Variants in LUC7L3 observed in about 807,000 individuals in gnomAD.
LUC7L3 encodes the protein LUC7 like 3 pre-mRNA splicing factor, also known as luc7-like protein 3.
A neutral mutation model predicts 66.8 loss-of-function variants in LUC7L3; 6 were observed. The observed-to-expected ratio is 0.09, with a 90% CI of 0.05 to 0.18. The LOEUF (loss-of-function observed/expected upper bound fraction) is 0.18. Among genes scored for constraint, LUC7L3 ranks in the 10% least tolerant of loss-of-function variants. LUC7L3 has a pLI of 1.00. For synonymous variants in LUC7L3, 160 were observed against 174.7 expected (o/e 0.92, Z 0.66); for missense variants, 341 against 531.1 (o/e 0.64, Z 3.52).
chr17:50,730,537 A>AAAAAAAAAAAAAAAAAAAC (rs1969530220), intron 1 of LUC7L3, among the ~76,000 whole-genome samples: 1 of 133,774 alleles, frequency 7.5e-6, no homozygotes, highest in African/African-American at 2.7e-5. Flanking sequence ...AAAAAAAAAA[A>AAAAAAAAAAAAAAAAAAAC]AGACCTAAAA....
In LUC7L3 at chr17:50,752,316, T is replaced by C. The variant is rs1205636971; in HGVS notation, c.*1655T>C. ...GCATAGAAAAAGTATAAAGCTCAGT[T>C]AGTTTTTTTATTATTATTATTATTA... On this transcript the variant is annotated 3_prime_UTR_variant, in exon 10 of 10. Coordinates refer to ENST00000505658, the MANE Select transcript of LUC7L3 (RefSeq NM_016424.5). 1.1e-6 allele frequency: 1 copy of C among 878,450 alleles called. No individual in the cohort carries two copies. Among genetic ancestry groups the C allele is most frequent in the Non-Finnish European group, 1.5e-6 (1 of 652,150 alleles). 54.4% of individuals were successfully genotyped at this position (878,450 alleles called of 1,614,324 possible).
rs1331709664 is a variant in LUC7L3 at position 50,755,344 on chromosome 17, C to T, written c.*4683C>T. 1 of 152,116 alleles carries T rather than the reference C, an allele frequency of 6.6e-6. No homozygotes were observed. Among genetic ancestry groups the T allele is most frequent in the Non-Finnish European group, 1.5e-5 (1 of 68,026 alleles). 9.4% of individuals were successfully genotyped at this position (152,116 alleles called of 1,614,324 possible). On this transcript the variant is annotated 3_prime_UTR_variant, in exon 10 of 10. Transcript: ENST00000505658. ...GAAATATAAACATATATGTATAGAT[C>T]TTTCAAAATATATGACGGTATACCC...
chr17:50,733,488 G>T (rs987509057), intron 1 of LUC7L3, among the ~76,000 whole-genome samples: 2 of 144,198 alleles, frequency 1.4e-5, no homozygotes, highest in African/African-American at 5.2e-5. Context: ...TGCAAGCTCC[G>T]CCTCCTGTGT....
At chr17:50,728,699 G>C (rs1398624269) in intron 1 of LUC7L3, among the ~76,000 whole-genome samples, 1 of 152,154 alleles carries the variant, frequency 6.6e-6, no homozygotes, top group African/African-American at 2.4e-5. Context: ...AACTACAGGC[G>C]TGTGCCTCCA....
chr17:50,735,944 C>G (rs1969958042), intron 1 of LUC7L3, among the ~76,000 whole-genome samples: 1 of 152,202 alleles, frequency 6.6e-6, no homozygotes, highest in South Asian at 2.1e-4. Flanking sequence ...ACCAGCCTGA[C>G]CAACATGGTG....
intron 4 of LUC7L3, 51 bp downstream of exon 4, chr17:50,741,297 TCA>T (rs1208658385): frequency 6.5e-7 from 1 of 1,549,188 alleles, no homozygotes; most frequent in South Asian, 1.2e-5. Context: ...TTCTGGAGAT[TCA>T]GAGACCTCCC....
intron 2 of LUC7L3, among the ~76,000 whole-genome samples, chr17:50,739,501 A>G (rs1210906434): frequency 6.6e-6 from 1 of 152,120 alleles, no homozygotes; most frequent in East Asian, 1.9e-4. Flanking sequence ...AAAATACAAA[A>G]AAATTACGCA....
rs1971040561 is a variant in LUC7L3 at position 50,752,967 on chromosome 17, CTTT to C, written c.*2307_*2309del. On this transcript the variant is annotated 3_prime_UTR_variant, in exon 10 of 10. Transcript: ENST00000505658. Reference sequence around the variant, plus strand: ...AATTCCAAGTATCCTGACAAGCACTCTTTAGCTGGCTAGCTATGGGATGATGTA... The same window carrying C: ...AATTCCAAGTATCCTGACAAGCACTCAGCTGGCTAGCTATGGGATGATGTA... The C allele has an allele frequency of 6.6e-6, 1 of 152,078 alleles. No individual in the cohort carries two copies. Among genetic ancestry groups the C allele is most frequent in the African/African-American group, 2.4e-5 (1 of 41,378 alleles). The allele number at this position is 152,078 out of a possible 1,614,324, so 9.4% of individuals were successfully genotyped here. A position where few individuals can be genotyped will look rare whatever the true frequency, so the allele number is the denominator to read the frequency against.
chr17:50,724,713 A>G (rs958699818), intron 1 of LUC7L3, among the ~76,000 whole-genome samples: 2 of 145,356 alleles, frequency 1.4e-5, no homozygotes, highest in Non-Finnish European at 3.0e-5. Context: ...TGTAAATTTG[A>G]CTTTTTTGCT....
chr17:50,720,115 C>T (rs1968643144), intron 1 of LUC7L3, among the ~76,000 whole-genome samples: 1 of 152,224 alleles, frequency 6.6e-6, no homozygotes. Context: ...ATAGCAGCGT[C>T]TTATTAAATC....
intron 6 of LUC7L3, among the ~76,000 whole-genome samples, chr17:50,744,143 C>A (rs72839275): frequency 0.02 from 3,016 of 152,308 alleles, 45 homozygotes; most frequent in Non-Finnish European, 0.034. Context: ...TACATACTTA[C>A]ATCTTTGTTA....
intron 1 of LUC7L3, among the ~76,000 whole-genome samples, chr17:50,726,378 G>T (rs947733047): frequency 3.9e-5 from 6 of 152,038 alleles, no homozygotes; most frequent in African/African-American, 1.2e-4. Flanking sequence ...TGTCATGTTG[G>T]CCAGGCTGGG....
At chr17:50,719,968 G>C in intron 1 of LUC7L3, 137 bp downstream of exon 1, 1 of 724,754 alleles carries the variant, frequency 1.4e-6, no homozygotes, top group East Asian at 3.0e-5. Flanking sequence ...TGCCCATGGA[G>C]CCAGGAGGGA....
At position 50,750,940 on chromosome 17, in the gene LUC7L3, T is replaced by C. The variant is rs1252846781; in HGVS notation, c.*279T>C. 2.6e-6 allele frequency: 4 copies of C among 1,519,918 alleles called. No individual in the cohort carries two copies. The highest frequency in any genetic ancestry group is 1.4e-5 in the African/African-American group (1 of 72,460). 94.2% of individuals were successfully genotyped at this position (1,519,918 alleles called of 1,614,324 possible). ...GAAATTATCGCCCACATTTGTAATA[T>C]AGTCGCCATTGAAAAGTTAATTATC... On this transcript the variant is annotated 3_prime_UTR_variant, in exon 10 of 10. Transcript: ENST00000505658.
At position 50,753,417 on chromosome 17, in the gene LUC7L3, A is replaced by T. The variant is rs1384683635; in HGVS notation, c.*2756A>T. On this transcript the variant is annotated 3_prime_UTR_variant, in exon 10 of 10. Coordinates refer to ENST00000505658, the MANE Select transcript of LUC7L3 (RefSeq NM_016424.5). ...AGCCACTGTGTTCATTCTAATAGGCATAATGAATTGTTAAAGAATTTACTA... is the reference window on the plus strand; with the variant it reads ...AGCCACTGTGTTCATTCTAATAGGCTTAATGAATTGTTAAAGAATTTACTA... 6.6e-6 allele frequency: 1 copy of T among 152,612 alleles called. No homozygotes were observed. Among genetic ancestry groups the T allele is most frequent in the Non-Finnish European group, 1.5e-5 (1 of 68,034 alleles). The allele number at this position is 152,612 out of a possible 1,614,324, so 9.5% of individuals were successfully genotyped here.
At chr17:50,748,156 C>T (rs1297154809) in intron 9 of LUC7L3, among the ~76,000 whole-genome samples, 1 of 152,178 alleles carries the variant, frequency 6.6e-6, no homozygotes, top group Non-Finnish European at 1.5e-5. Flanking sequence ...GGGATAAAAG[C>T]TAGCTAGCCT....
At chr17:50,741,309 C>G (rs944101517) in intron 4 of LUC7L3, 63 bp downstream of exon 4, 6 of 1,494,952 alleles carry the variant, frequency 4.0e-6, no homozygotes, top group Non-Finnish European at 5.4e-6. Context: ...AGAGACCTCC[C>G]TAATATTTTT....
At position 50,741,258 on chromosome 17, in the gene LUC7L3, C is replaced by G. The variant is rs1215932624; in HGVS notation, c.351+12C>G. The stretch of plus-strand genomic sequence containing the variant: ...AGCAGTCTTCTGGGGTAAGTGAAGT[C>G]AATTCAGTCTTTGTAAACGGTCCTT... On this transcript the variant is annotated intron_variant, in intron 4 of 9. Transcript: ENST00000505658. The G allele has an allele frequency of 6.2e-7, 1 of 1,612,662 alleles. No homozygotes were observed. The highest frequency in any genetic ancestry group is 8.5e-7 in the Non-Finnish European group (1 of 1,179,358).
chr17:50,727,313 G>T (rs1969259708), intron 1 of LUC7L3, among the ~76,000 whole-genome samples: 1 of 152,148 alleles, frequency 6.6e-6, no homozygotes, highest in Non-Finnish European at 1.5e-5. Flanking sequence ...TGTACAAGAA[G>T]CATTGTAGCT....
Sources: gnomAD v4.1 joint callset for allele counts (sites outside exome capture counted in the v4.1 genomes callset) on GRCh38, gnomAD v4.1.1 for gene constraint, MANE v1.5 for transcripts, NCBI Gene and HGNC (gene_info 2026-07-23, HGNC 2026-07-21) for gene names.